Variants in UBE3A observed in about 807,000 individuals in gnomAD.
UBE3A encodes ubiquitin protein ligase E3A, also known as ubiquitin-protein ligase E3A.
In UBE3A, 6 loss-of-function variants were observed where a neutral mutation model predicts 83.4. The ratio of observed to expected loss-of-function variants is 0.07; its 90% CI spans 0.04 to 0.14. The LOEUF is 0.14. Ranked by LOEUF, UBE3A falls within the 10% of genes least tolerant of loss-of-function variation. The pLI is 1.00. For missense variants in UBE3A, 456 were observed against 1,036.1 expected (o/e 0.44, Z 7.69); for synonymous variants, 337 against 355.4 (o/e 0.95, Z 0.58).
chr15:25,376,911 A>T (rs2081323220), intron 4 of UBE3A, among the ~76,000 whole-genome samples: 1 of 152,212 alleles, frequency 6.6e-6, no homozygotes, highest in African/African-American at 2.4e-5. Flanking sequence ...ATGACATTAT[A>T]TTCAACACTA....
chr15:25,424,018 T>C (rs1890594909), intron 1 of UBE3A, among the ~76,000 whole-genome samples: 1 of 152,166 alleles, frequency 6.6e-6, no homozygotes, highest in South Asian at 2.1e-4. Flanking sequence ...CCTTGTCCCC[T>C]TTTTCAGTCT....
chr15:25,401,980 T>C (rs967121542), intron 4 of UBE3A, among the ~76,000 whole-genome samples: 11 of 152,232 alleles, frequency 7.2e-5, no homozygotes, highest in African/African-American at 1.9e-4. Flanking sequence ...TTTCTTGAAA[T>C]TCATTGAGCT....
intron 4 of UBE3A, among the ~76,000 whole-genome samples, chr15:25,399,552 C>T (rs1245861541): frequency 2.0e-5 from 3 of 151,800 alleles, no homozygotes; most frequent in Admixed American, 2.0e-4. Flanking sequence ...TTTTGTGGGT[C>T]GATGTGTCTG....
intron 7 of UBE3A, among the ~76,000 whole-genome samples, chr15:25,357,962 C>T (rs1422740217): frequency 7.1e-6 from 1 of 140,710 alleles, no homozygotes; most frequent in South Asian, 2.3e-4. Context: ...TGGAGTGCAG[C>T]AGCACTCAGC....
At chr15:25,413,413 T>G (rs907790338) in intron 1 of UBE3A, among the ~76,000 whole-genome samples, 1 of 152,112 alleles carries the variant, frequency 6.6e-6, no homozygotes, top group Non-Finnish European at 1.5e-5. Flanking sequence ...ACTTCTGTTC[T>G]CCTTTGCATC....
chr15:25,338,888 AAATAATTAT>A lies in UBE3A; in HGVS notation c.*240_*248del, dbSNP rs2074243119. On this transcript the variant is annotated 3_prime_UTR_variant, in exon 13 of 13. Coordinates refer to ENST00000648336, the MANE Select transcript of UBE3A (RefSeq NM_130839.5). ...GAATATGTAACACTTTCACGCAAAA[AAATAATTAT>A]AATAATAATAAAGGATTTGTTCATA... is the stretch of plus-strand genomic sequence containing the variant. 4.9e-6 allele frequency: 1 copy of A among 204,432 alleles called. No individual in the cohort carries two copies. Among genetic ancestry groups the A allele is most frequent in the Non-Finnish European group, 9.6e-6 (1 of 103,642 alleles). The allele number at this position is 204,432 out of a possible 1,614,324, so 12.7% of individuals were successfully genotyped here.
intron 11 of UBE3A, among the ~76,000 whole-genome samples, chr15:25,342,077 T>A (rs73364194): frequency 6.6e-6 from 1 of 151,902 alleles, no homozygotes; most frequent in Non-Finnish European, 1.5e-5. Context: ...AAACTGGACA[T>A]GAAACTTGCA....
intron 1 of UBE3A, chr15:25,437,991 C>T (rs959711173): frequency 3.0e-4 from 45 of 152,270 alleles, no homozygotes; most frequent in African/African-American, 1.0e-3. Flanking sequence ...AACCCTTGGG[C>T]TTGACATACC....
At chr15:25,345,354 A>G (rs1333279541) in intron 11 of UBE3A, among the ~76,000 whole-genome samples, 1 of 152,200 alleles carries the variant, frequency 6.6e-6, no homozygotes, top group African/African-American at 2.4e-5. Context: ...ACTTCTGGGA[A>G]TAACTTCCGA....
chr15:25,373,446 T>C (rs569107464), intron 5 of UBE3A: 24 of 152,284 alleles, frequency 1.6e-4, no homozygotes, highest in African/African-American at 5.3e-4. Context: ...TAATCCTATA[T>C]AGAATGTACC....
intron 4 of UBE3A, among the ~76,000 whole-genome samples, chr15:25,398,771 T>TTATATATATATA (rs1159969391): frequency 1.5e-3 from 102 of 68,850 alleles, no homozygotes; most frequent in African/African-American, 3.3e-3. Context: ...ATTCTTTTAT[T>TTATATATATATA]TATATATATA....
intron 4 of UBE3A, among the ~76,000 whole-genome samples, chr15:25,401,680 C>G (rs75143971): frequency 0.073 from 11,141 of 152,132 alleles, 825 homozygotes; most frequent in East Asian, 0.42. Context: ...TGAGTCATCT[C>G]TTTTTTTCTT....
intron 6 of UBE3A, 75 bp from the exon 7 acceptor site, chr15:25,360,602 G>A (rs147618258): frequency 1.3e-6 from 2 of 1,524,454 alleles, no homozygotes; most frequent in African/African-American, 1.4e-5. Flanking sequence ...AAAACAAGGA[G>A]TAGGATTAGG....
At chr15:25,367,273 T>C (rs999775466) in intron 6 of UBE3A, among the ~76,000 whole-genome samples, 2 of 127,930 alleles carry the variant, frequency 1.6e-5, no homozygotes, top group Non-Finnish European at 3.2e-5. Context: ...ATGTAAATAT[T>C]TACATATTTA....
Position 25,339,076 on chromosome 15 carries a change from T to C in UBE3A, c.*61A>G. 3 of 1,467,962 alleles carry C rather than the reference T, an allele frequency of 2.0e-6. No homozygotes were observed. Among genetic ancestry groups the C allele is most frequent in the Non-Finnish European group, 2.7e-6 (3 of 1,114,064 alleles). The allele number at this position is 1,467,962 out of a possible 1,614,324, so 90.9% of individuals were successfully genotyped here. On this transcript the variant is annotated 3_prime_UTR_variant, in exon 13 of 13. Coordinates refer to ENST00000648336, the MANE Select transcript of UBE3A (RefSeq NM_130839.5). ...TTATCCCTCGTTATATTTTTAAAAT[T>C]TTTTAAATTTTTTCTTTTTTTTTCC...
chr15:25,397,728 C>T (rs1312248606), intron 4 of UBE3A, among the ~76,000 whole-genome samples: 5 of 152,050 alleles, frequency 3.3e-5, no homozygotes, highest in East Asian at 1.9e-4. Context: ...GTCATCTAAC[C>T]GAATGCCTTC....
chr15:25,344,449 GGAA>G (rs941829843), intron 11 of UBE3A, among the ~76,000 whole-genome samples: 3 of 151,966 alleles, frequency 2.0e-5, no homozygotes, highest in Non-Finnish European at 4.4e-5. Flanking sequence ...ACAATTTATT[GGAA>G]AAATAACTTA....
At position 25,354,776 on chromosome 15, in the gene UBE3A, GAAA is replaced by G. The variant is rs562275288; in HGVS notation, c.2125-96_2125-94del. ...CTGCATAGCTTTTTAATTTTTCCAA[GAAA>G]AAAACATTCAAGAATATTCTTAAAA... On this transcript the variant is annotated intron_variant, in intron 9 of 12. Coordinates refer to ENST00000648336, the MANE Select transcript of UBE3A (RefSeq NM_130839.5). 15,558 of 1,183,094 alleles carry G rather than the reference GAAA, an allele frequency of 0.013. 167 individuals are homozygous for G. Among genetic ancestry groups the G allele is most frequent in the Non-Finnish European group, 0.014 (12,213 of 843,358 alleles). The allele number at this position is 1,183,094 out of a possible 1,614,324, so 73.3% of individuals were successfully genotyped here. A position where few individuals can be genotyped will look rare whatever the true frequency, so the allele number is the denominator to read the frequency against.
intron 1 of UBE3A, among the ~76,000 whole-genome samples, chr15:25,437,126 G>T (rs1418502916): frequency 6.6e-6 from 1 of 151,944 alleles, no homozygotes; most frequent in Non-Finnish European, 1.5e-5. Context: ...AGGGCTTCTG[G>T]TCATCCTTAG....
Sources: gnomAD v4.1 joint callset for allele counts (sites outside exome capture counted in the v4.1 genomes callset) on GRCh38, gnomAD v4.1.1 for gene constraint, MANE v1.5 for transcripts, NCBI Gene and HGNC (gene_info 2026-07-23, HGNC 2026-07-21) for gene names.